PSD3: variants seen among roughly 807,000 people sequenced by gnomAD.
The protein encoded by PSD3 is pleckstrin and Sec7 domain containing 3.
A neutral mutation model predicts 105.5 loss-of-function variants in PSD3; 49 were observed. That is an observed-to-expected ratio of 0.46 (90% CI 0.37 to 0.59). The LOEUF is 0.59. PSD3 is among the 20% of genes least tolerant of loss of function. PSD3 has a pLI of 0.00. For missense variants in PSD3, 1,561 were observed against 1,263.8 expected (o/e 1.24, Z -3.57); for synonymous variants, 557 against 457.8 (o/e 1.22, Z -2.77).
At chr8:18,965,736 C>T (rs1824198603) in intron 1 of PSD3, among the ~76,000 whole-genome samples, 1 of 152,312 alleles carries the variant, frequency 6.6e-6, no homozygotes, top group African/African-American at 2.4e-5. Flanking sequence ...ACATGTGAAG[C>T]CAACAGGCCC....
intron 11 of PSD3, among the ~76,000 whole-genome samples, chr8:18,629,872 T>C (rs898485862): frequency 1.3e-5 from 2 of 151,980 alleles, no homozygotes; most frequent in East Asian, 3.8e-4. Context: ...TTAGAAACCA[T>C]GCACATTCTG....
chr8:18,841,414 ATAAAACT>A (rs1402602944), intron 4 of PSD3, among the ~76,000 whole-genome samples: 1 of 152,192 alleles, frequency 6.6e-6, no homozygotes, highest in African/African-American at 2.4e-5. Context: ...CAAACAGCTG[ATAAAACT>A]TAAAGTTCTT....
intron 12 of PSD3, among the ~76,000 whole-genome samples, chr8:18,593,961 C>G (rs1489869545): frequency 2.0e-5 from 2 of 102,226 alleles, no homozygotes; most frequent in African/African-American, 8.9e-5. Flanking sequence ...ACATCACACA[C>G]CGGGGCCTGT....
At chr8:19,023,628 G>T (rs1586639589) in intron 1 of PSD3, among the ~76,000 whole-genome samples, 1 of 151,902 alleles carries the variant, frequency 6.6e-6, no homozygotes, top group Non-Finnish European at 1.5e-5. Context: ...GTAGATAAAG[G>T]TTCTCACTAT....
intron 8 of PSD3, among the ~76,000 whole-genome samples, chr8:18,769,483 C>T (rs745395609): frequency 2.6e-5 from 4 of 152,154 alleles, no homozygotes; most frequent in Admixed American, 6.6e-5. Flanking sequence ...AAAGTATCAT[C>T]TTTATTAAAA....
Position 18,872,508 on chromosome 8 carries a change from G to T in PSD3, c.356C>A (p.Ser119Tyr). Reference sequence around the variant, plus strand: ...ACTTTGTTCCTTGAGATGACTTTGAGAGGGGGCCTCTCTGACATCTTTTGG... The same window carrying T: ...ACTTTGTTCCTTGAGATGACTTTGATAGGGGGCCTCTCTGACATCTTTTGG... Reference protein sequence around the residue: ...EGPKDVREAPSQSHLKEQSLQ... With the variant: ...EGPKDVREAPYQSHLKEQSLQ... Residue 119 changes from serine (S) to tyrosine (Y), a missense_variant, in exon 3 of 16, where the codon TCT (serine) becomes TAT (tyrosine). By Grantham distance (144) the Ser-to-Tyr change is moderately radical. Transcript: ENST00000327040. 1 of 1,614,150 alleles carries T rather than the reference G, an allele frequency of 6.2e-7. No homozygotes were observed. Among genetic ancestry groups the T allele is most frequent in the Non-Finnish European group, 8.5e-7 (1 of 1,180,028 alleles).
chr8:18,947,050 G>A (rs989544561), intron 1 of PSD3, among the ~76,000 whole-genome samples: 7 of 152,056 alleles, frequency 4.6e-5, no homozygotes, highest in African/African-American at 1.4e-4. Flanking sequence ...GATGGCTCAC[G>A]TATGCCCTAC....
At chr8:18,674,415 A>G (rs901997649) in intron 9 of PSD3, among the ~76,000 whole-genome samples, 5 of 152,120 alleles carry the variant, frequency 3.3e-5, no homozygotes. Flanking sequence ...CCATGTTTCA[A>G]AGTTTGCTGA....
chr8:18,578,409 T>C lies in PSD3; in HGVS notation c.2482-3124A>G, dbSNP rs76349072. Among the ~76,000 whole-genome samples, 437 of 152,282 alleles carry C rather than the reference T, an allele frequency of 2.9e-3. 1 individual carries two copies. Among genetic ancestry groups the C allele is most frequent in the African/African-American group, 9.9e-3 (411 of 41,594 alleles). On this transcript the variant is annotated intron_variant, in intron 12 of 15. Coordinates refer to ENST00000327040, the MANE Select transcript of PSD3 (RefSeq NM_015310.4). ...CTACAATTCTTTTACATCTCCATGA[T>C]TTGTGAAATTCTTCCTCAGCTTTTT...
chr8:18,765,563 C>A (rs199785307), intron 8 of PSD3, 25 bp from the exon 9 acceptor site: 199 of 1,484,264 alleles, frequency 1.3e-4, no homozygotes, highest in Non-Finnish European at 1.8e-4. Context: ...AACAGTACAT[C>A]ACTATGACAT....
intron 9 of PSD3, among the ~76,000 whole-genome samples, chr8:18,688,132 G>A (rs540658242): frequency 2.0e-5 from 3 of 152,160 alleles, no homozygotes; most frequent in South Asian, 4.2e-4. Context: ...AGGCTGGAGT[G>A]CAGTGATGCC....
At chr8:18,697,945 C>T (rs550478554) in intron 9 of PSD3, among the ~76,000 whole-genome samples, 1 of 152,164 alleles carries the variant, frequency 6.6e-6, no homozygotes, top group Non-Finnish European at 1.5e-5. Context: ...ATGGTCCCCC[C>T]AAAGATGTCC....
At chr8:18,655,521 G>C in intron 10 of PSD3, 121 bp downstream of exon 10, 1 of 918,152 alleles carries the variant, frequency 1.1e-6, no homozygotes, top group Non-Finnish European at 1.7e-6. Context: ...AAGACACTTG[G>C]TGTAAAATGA....
intron 12 of PSD3, among the ~76,000 whole-genome samples, chr8:18,576,988 C>T (rs1802499819): frequency 1.3e-5 from 2 of 150,384 alleles, no homozygotes; most frequent in African/African-American, 2.4e-5. Flanking sequence ...GTTTGAATTT[C>T]TTAAGATGAT....
chr8:18,845,320 C>T (rs969301043), intron 4 of PSD3, among the ~76,000 whole-genome samples: 14 of 152,138 alleles, frequency 9.2e-5, no homozygotes, highest in African/African-American at 1.7e-4. Context: ...AGAAACCCTG[C>T]GTCTCCTGGA....
In PSD3 at chr8:18,628,199, T is replaced by C. The variant is rs543927577; in HGVS notation, c.2410+4414A>G. On this transcript the variant is annotated intron_variant, in intron 11 of 15. Coordinates refer to ENST00000327040, the MANE Select transcript of PSD3 (RefSeq NM_015310.4). ...AGTGGAGGCTTTAAGAAATAATGGCTGAAAAAAACATGAACCTATGAATCC... is the reference window on the plus strand; with the variant it reads ...AGTGGAGGCTTTAAGAAATAATGGCCGAAAAAAACATGAACCTATGAATCC... Among the ~76,000 whole-genome samples the C allele has an allele frequency of 1.6e-3, 237 of 151,712 alleles. 1 individual carries two copies. Among genetic ancestry groups the C allele is most frequent in the African/African-American group, 5.5e-3 (226 of 41,418 alleles).
At chr8:18,849,027 A>G (rs956772581) in intron 4 of PSD3, among the ~76,000 whole-genome samples, 1 of 152,202 alleles carries the variant, frequency 6.6e-6, no homozygotes, top group African/African-American at 2.4e-5. Context: ...CCAAGGCCAA[A>G]ATCACCTTAG....
Position 19,081,567 on chromosome 8 carries a change from C to T in PSD3, c.324+2639G>A, listed in dbSNP as rs369326006. Reference sequence around the variant, plus strand: ...AATAACATACATCCTTGCAGAATTTCGAGATTTTCATAAGAGGAAATAATG... The same window carrying T: ...AATAACATACATCCTTGCAGAATTTTGAGATTTTCATAAGAGGAAATAATG... On this transcript the variant is annotated intron_variant, in intron 1 of 1. Transcript: ENST00000521475. Among the ~76,000 whole-genome samples the T allele has an allele frequency of 1.8e-4, 27 of 152,252 alleles. No homozygotes were observed. In the South Asian group the frequency reaches 4.1e-3, roughly 23 times the overall value.
chr8:18,795,748 A>T (rs1323597959), intron 8 of PSD3, among the ~76,000 whole-genome samples: 1 of 152,220 alleles, frequency 6.6e-6, no homozygotes, highest in Non-Finnish European at 1.5e-5. Context: ...TAGTGGTAGG[A>T]AACAGAACGC....
Sources: allele counts gnomAD v4.1 joint callset (sites outside exome capture counted in the v4.1 genomes callset), GRCh38; gene constraint gnomAD v4.1.1; transcripts MANE v1.5; gene names NCBI Gene and HGNC (gene_info 2026-07-23, HGNC 2026-07-21).